The following FER1L6 variants were observed in gnomAD, a reference collection of about 807,000 sequenced individuals.
FER1L6 encodes the protein fer-1 like family member 6.
In FER1L6, 177 loss-of-function variants were observed where a neutral mutation model predicts 219.2. That is an observed-to-expected ratio of 0.81 (90% CI 0.71 to 0.91). The LOEUF (loss-of-function observed/expected upper bound fraction) is 0.91, where lower values mean the gene tolerates loss of function less well. FER1L6 is among the 40% of genes least tolerant of loss of function. The pLI is 0.00. For synonymous variants in FER1L6, 768 were observed against 824.3 expected, an observed-to-expected ratio of 0.93 and a Z score of 1.17; for missense variants, 2,153 against 2,259.9, an observed-to-expected ratio of 0.95 and a Z score of 0.96.
chr8:123,902,008 C>T (rs1248994630), intron 1 of FER1L6, among the ~76,000 whole-genome samples: 5 of 152,118 alleles, frequency 3.3e-5, no homozygotes, highest in Admixed American at 2.0e-4. Context: ...TGTGAGCCAC[C>T]ATGCCCAGCC....
Position 124,030,632 on chromosome 8 carries a change from C to T in FER1L6, c.2287-4645C>T, listed in dbSNP as rs574458018. ...CTGAGTCCACTCCTCACTCCCATCG[C>T]CATCCCTATCCTACCTTCTCTCCAC... is the stretch of plus-strand genomic sequence containing the variant. On this transcript the variant is annotated intron_variant, in intron 18 of 40. Coordinates refer to ENST00000522917, the MANE Select transcript of FER1L6 (RefSeq NM_001039112.2). Among the ~76,000 whole-genome samples, 36 of 152,234 alleles carry T rather than the reference C, an allele frequency of 2.4e-4. No homozygotes were observed. The South Asian group carries it at 2.5e-3, about 11-fold the overall frequency.
chr8:123,854,169 GT>G (rs1816584200), intron 1 of FER1L6, among the ~76,000 whole-genome samples: 1 of 152,146 alleles, frequency 6.6e-6, no homozygotes, highest in Non-Finnish European at 1.5e-5. Context: ...AATGCCTTAT[GT>G]TTGTAAATGA....
intron 5 of FER1L6, among the ~76,000 whole-genome samples, chr8:123,968,305 G>A (rs995234626): frequency 4.6e-5 from 7 of 152,122 alleles, no homozygotes; most frequent in African/African-American, 9.7e-5. Context: ...AAGTGTAACC[G>A]GTAGAAAAAT....
chr8:123,973,782 A>C (rs1185027900), intron 7 of FER1L6, among the ~76,000 whole-genome samples: 3 of 152,106 alleles, frequency 2.0e-5, no homozygotes, highest in Non-Finnish European at 4.4e-5. Flanking sequence ...GGAATATAGG[A>C]ACTAAGAATA....
chr8:123,952,435 C>G (rs1312918595), intron 1 of FER1L6, among the ~76,000 whole-genome samples: 1 of 152,220 alleles, frequency 6.6e-6, no homozygotes, highest in Non-Finnish European at 1.5e-5. Flanking sequence ...ATACAGATAT[C>G]GGAGTCGCAG....
At chr8:123,863,926 C>G (rs1457544145) in intron 1 of FER1L6, among the ~76,000 whole-genome samples, 1 of 150,894 alleles carries the variant, frequency 6.6e-6, no homozygotes, top group Non-Finnish European at 1.5e-5. Flanking sequence ...GGTCTTGACT[C>G]TTTATCCAAC....
At chr8:123,889,589 AT>A (rs1812603612) in intron 1 of FER1L6, among the ~76,000 whole-genome samples, 1 of 152,152 alleles carries the variant, frequency 6.6e-6, no homozygotes, top group African/African-American at 2.4e-5. Context: ...AAGAATAGAA[AT>A]AAGTATTAGA....
At chr8:123,948,737 C>T (rs1383846107) in intron 1 of FER1L6, among the ~76,000 whole-genome samples, 2 of 151,338 alleles carry the variant, frequency 1.3e-5, no homozygotes, top group African/African-American at 4.9e-5. Flanking sequence ...GTCAGGGCCT[C>T]CAGTGCAGTG....
intron 17 of FER1L6, among the ~76,000 whole-genome samples, chr8:124,022,933 G>A (rs1044578902): frequency 6.6e-6 from 1 of 151,608 alleles, no homozygotes. Context: ...TTTTTTTTGA[G>A]ATGGAGTCTT....
At chr8:123,963,197 A>G in intron 2 of FER1L6, 81 bp from the exon 3 acceptor site, 1 of 1,579,284 alleles carries the variant, frequency 6.3e-7, no homozygotes, top group Non-Finnish European at 8.6e-7. Context: ...GGTGCCTGCC[A>G]CAGGGCTGGC....
At chr8:124,062,917 C>G (rs977471239) in intron 25 of FER1L6, among the ~76,000 whole-genome samples, 3 of 152,200 alleles carry the variant, frequency 2.0e-5, no homozygotes, top group Non-Finnish European at 4.4e-5. Flanking sequence ...CATTTGGAAC[C>G]CCATTTTTCT....
intron 22 of FER1L6, among the ~76,000 whole-genome samples, chr8:124,059,750 G>A (rs1460480959): frequency 6.6e-6 from 1 of 152,224 alleles, no homozygotes; most frequent in Non-Finnish European, 1.5e-5. Flanking sequence ...AGCAGTAGTA[G>A]TGCATAATGG....
At chr8:124,089,088 T>A (rs1234485057) in intron 33 of FER1L6, among the ~76,000 whole-genome samples, 1 of 152,206 alleles carries the variant, frequency 6.6e-6, no homozygotes, top group Non-Finnish European at 1.5e-5. Context: ...TCAGTCCCTG[T>A]GGCCAAGACT....
chr8:124,073,703 C>T (rs2056836679), intron 31 of FER1L6, among the ~76,000 whole-genome samples: 1 of 151,804 alleles, frequency 6.6e-6, no homozygotes, highest in African/African-American at 2.4e-5. Flanking sequence ...ATATTAAGAC[C>T]CTGTTCTATG....
At chr8:123,938,919 A>G (rs1347162443) in intron 1 of FER1L6, among the ~76,000 whole-genome samples, 3 of 152,244 alleles carry the variant, frequency 2.0e-5, no homozygotes, top group African/African-American at 7.2e-5. Context: ...ATACAAACAA[A>G]GCTTTAATAT....
At chr8:123,980,952 C>T in intron 11 of FER1L6, 141 bp downstream of exon 11, 1 of 688,330 alleles carries the variant, frequency 1.5e-6, no homozygotes, top group Non-Finnish European at 2.4e-6. Context: ...GCCCTGTGTT[C>T]TCAGGCTGAT....
chr8:124,050,453 G>A (rs1819959239), intron 22 of FER1L6, among the ~76,000 whole-genome samples: 1 of 152,092 alleles, frequency 6.6e-6, no homozygotes, highest in Admixed American at 6.6e-5. Flanking sequence ...GAACACGCAG[G>A]ATGTGGAGAG....
chr8:123,907,426 C>T (rs182981297), intron 1 of FER1L6, among the ~76,000 whole-genome samples: 42 of 152,110 alleles, frequency 2.8e-4, no homozygotes, highest in Middle Eastern at 3.4e-3. Context: ...CAGTAACTCA[C>T]CTAGTTGTGG....
At chr8:124,077,614 G>A (rs1054971581) in intron 32 of FER1L6, among the ~76,000 whole-genome samples, 6 of 152,142 alleles carry the variant, frequency 3.9e-5, no homozygotes, top group Non-Finnish European at 5.9e-5. Flanking sequence ...TAGTGCTTCA[G>A]TGTGACAACC....
Sources: allele counts gnomAD v4.1 joint callset (sites outside exome capture counted in the v4.1 genomes callset), GRCh38; gene constraint gnomAD v4.1.1; transcripts MANE v1.5; gene names NCBI Gene and HGNC (gene_info 2026-07-23, HGNC 2026-07-21).